The following SCN2A variants were observed in gnomAD, a reference collection of about 807,000 sequenced individuals.
SCN2A encodes the protein sodium voltage-gated channel alpha subunit 2.
In SCN2A, 20 loss-of-function variants were observed where a neutral mutation model predicts 188.7. That is an observed-to-expected ratio of 0.11 (90% confidence interval 0.07 to 0.15). The LOEUF (loss-of-function observed/expected upper bound fraction) is 0.15, where lower values mean the gene tolerates loss of function less well. Among genes scored for constraint, SCN2A ranks in the 10% least tolerant of loss-of-function variants. The pLI is 1.00. For missense variants in SCN2A, 1,278 were observed against 2,445.0 expected, an observed-to-expected ratio of 0.52 and a Z score of 10.07; for synonymous variants, 804 against 833.1, an observed-to-expected ratio of 0.97 and a Z score of 0.60.
chr2:165,382,917 A>G (rs192468971), intron 25 of SCN2A, among the ~76,000 whole-genome samples: 8 of 152,312 alleles, frequency 5.3e-5, no homozygotes, highest in Admixed American at 2.6e-4. Context: ...ATATAGGAAG[A>G]AATAAATCAA....
chr2:165,291,597 CTCTT>C (rs753455428), intron 1 of SCN2A, among the ~76,000 whole-genome samples: 19,370 of 124,112 alleles, frequency 0.16, 2,633 homozygotes, highest in East Asian at 0.3. Flanking sequence ...CTCTCTCTCT[CTCTT>C]TCTTTCTTTG....
At chr2:165,270,576 CTG>C (rs1368513140) in intron 1 of SCN2A, 1 of 152,052 alleles carries the variant, frequency 6.6e-6, no homozygotes, top group Non-Finnish European at 1.5e-5. Context: ...ATCGCCCTTT[CTG>C]TATAAAATCT....
rs1184809872 is a variant in SCN2A, at chr2:165,291,724, AC to A, written c.-51-4048del. Among the ~76,000 whole-genome samples the A allele has an allele frequency of 4.6e-5, 7 of 151,200 alleles. No homozygotes were observed. In the Admixed American group the frequency reaches 4.6e-4, roughly 10 times the overall value. On this transcript the variant is annotated intron_variant, in intron 1 of 26. Coordinates refer to ENST00000375437, the MANE Select transcript of SCN2A (RefSeq NM_001040142.2). ...CCTGATCTCCCAAAATGCTGGGATT[AC>A]AAGCAAAAGCAACCTTCCCAGCTCC... is the stretch of plus-strand genomic sequence containing the variant.
intron 4 of SCN2A, among the ~76,000 whole-genome samples, 199 bp from the exon 5 acceptor site, chr2:165,308,467 T>C (rs1339516964): frequency 6.6e-6 from 1 of 152,172 alleles, no homozygotes; most frequent in Non-Finnish European, 1.5e-5. Context: ...AAATGCAATA[T>C]ACATTTATTT....
intron 2 of SCN2A, 46 bp downstream of exon 2, chr2:165,296,136 T>C (rs758364762): frequency 1.3e-6 from 2 of 1,579,696 alleles, no homozygotes; most frequent in African/African-American, 2.7e-5. Context: ...TACTAATTGG[T>C]TCTGGGCTAG....
At chr2:165,322,906 G>A (rs539443991) in intron 11 of SCN2A, among the ~76,000 whole-genome samples, 22 of 152,242 alleles carry the variant, frequency 1.4e-4, no homozygotes, top group Admixed American at 1.2e-3. Flanking sequence ...GGGTAAAGTA[G>A]GAGAAAAGAG....
rs1701234367 is a variant in SCN2A at position 165,374,997 on chromosome 2, G to A, written c.4254+31G>A. The A allele has an allele frequency of 8.8e-6, 14 of 1,595,642 alleles. No individual in the cohort carries two copies. In the East Asian group the frequency reaches 3.1e-4, roughly 36 times the overall value. ...TAATCACTTTATTATTTTCCATGAT[G>A]TGTAATTAAAATGAGTCTAAAGTTT... On this transcript the variant is annotated intron_variant, in intron 22 of 26. Transcript: ENST00000375437.
intron 1 of SCN2A, among the ~76,000 whole-genome samples, chr2:165,288,020 A>G (rs1695927969): frequency 6.6e-6 from 1 of 152,172 alleles, no homozygotes; most frequent in African/African-American, 2.4e-5. Context: ...AAAATTTGTT[A>G]TTCCTTAACT....
At chr2:165,268,839 C>G (rs189510896) in intron 1 of SCN2A, 1 of 151,970 alleles carries the variant, frequency 6.6e-6, no homozygotes, top group East Asian at 1.9e-4. Flanking sequence ...TCACTTGTGA[C>G]AACATGAATG....
intron 1 of SCN2A, among the ~76,000 whole-genome samples, chr2:165,253,486 A>G (rs1694185881): frequency 1.3e-5 from 2 of 152,144 alleles, no homozygotes; most frequent in South Asian, 4.1e-4. Flanking sequence ...ATGACATGTA[A>G]AAATTATATT....
Position 165,377,650 on chromosome 2 carries a change from T to C in SCN2A, c.4308T>C (p.Asn1436=). 6.2e-7 allele frequency: 1 copy of C among 1,604,796 alleles called. No homozygotes were observed. Among genetic ancestry groups the C allele is most frequent in the Non-Finnish European group, 8.5e-7 (1 of 1,174,080 alleles). The part of the protein sequence containing the change: ...DIMYAAVDSR[N]VELQPKYEDN... ...TGTATGCAGCTGTTGATTCACGAAA[T>C]GTAAGTCTAGTTAGAGGGAAATTGT... The change falls in exon 23 of 27, where the codon AAT becomes AAC. Residue 1436 remains asparagine (N), a splice_region_variant and synonymous_variant. Transcript: ENST00000375437.
intron 1 of SCN2A, among the ~76,000 whole-genome samples, chr2:165,292,106 G>A (rs776871399): frequency 2.6e-5 from 4 of 152,266 alleles, no homozygotes; most frequent in Admixed American, 6.5e-5. Context: ...ATAACTATGA[G>A]CTGGTAACAT....
chr2:165,252,878 C>T (rs911380845), intron 1 of SCN2A, among the ~76,000 whole-genome samples: 11 of 151,974 alleles, frequency 7.2e-5, no homozygotes, highest in Non-Finnish European at 1.3e-4. Flanking sequence ...GTGGCTGCTT[C>T]ATCTTGAAAG....
chr2:165,383,314 G>T (rs945629236), intron 25 of SCN2A, among the ~76,000 whole-genome samples: 6 of 152,034 alleles, frequency 3.9e-5, no homozygotes, highest in African/African-American at 1.4e-4. Flanking sequence ...GATGGAAAAA[G>T]AATAGAAAGC....
intron 11 of SCN2A, among the ~76,000 whole-genome samples, chr2:165,316,503 A>T (rs777055823): frequency 1.3e-5 from 2 of 152,244 alleles, no homozygotes; most frequent in African/African-American, 4.8e-5. Context: ...AGGAATACAC[A>T]GTACCTCAGA....
At chr2:165,376,396 A>T (rs928625049) in intron 22 of SCN2A, among the ~76,000 whole-genome samples, 2 of 151,978 alleles carry the variant, frequency 1.3e-5, no homozygotes. Context: ...CTCTATATAG[A>T]TGCACTAAAA....
intron 1 of SCN2A, among the ~76,000 whole-genome samples, chr2:165,247,498 C>T (rs1693898025): frequency 6.6e-6 from 1 of 152,116 alleles, no homozygotes; most frequent in South Asian, 2.1e-4. Flanking sequence ...CTTGACCATC[C>T]AGCAATATTG....
intron 14 of SCN2A, among the ~76,000 whole-genome samples, chr2:165,331,985 G>A (rs1308581343): frequency 6.6e-6 from 1 of 151,866 alleles, no homozygotes; most frequent in Admixed American, 6.6e-5. Context: ...TGTAGGGAGG[G>A]GACATCATCT....
chr2:165,358,100 A>T (rs1700271704), intron 17 of SCN2A, among the ~76,000 whole-genome samples: 1 of 152,188 alleles, frequency 6.6e-6, no homozygotes, highest in Admixed American at 6.5e-5. Flanking sequence ...TTATTCAATG[A>T]AAAGTAAAAG....
Sources: gnomAD v4.1 joint callset for allele counts (sites outside exome capture counted in the v4.1 genomes callset) on GRCh38, gnomAD v4.1.1 for gene constraint, MANE v1.5 for transcripts, NCBI Gene and HGNC (gene_info 2026-07-23, HGNC 2026-07-21) for gene names.